CCDC7: variants seen among roughly 807,000 people sequenced by gnomAD.
CCDC7 encodes coiled-coil domain containing 7.
In CCDC7, 183 loss-of-function variants were observed where a neutral mutation model predicts 196.9. That is an observed-to-expected ratio of 0.93 (90% CI 0.82 to 1.05). CCDC7 has a LOEUF of 1.05. Ranked by LOEUF, CCDC7 falls within the 50% of genes least tolerant of loss-of-function variation. The pLI is 0.00. For missense variants in CCDC7, 1,540 were observed against 1,482.2 expected (o/e 1.04, Z -0.64); for synonymous variants, 525 against 484.6 (o/e 1.08, Z -1.10).
upstream of CCDC7, chr10:32,451,610 C>A (rs1475926721): frequency 1.8e-5 from 28 of 1,531,518 alleles, no homozygotes; most frequent in Non-Finnish European, 2.4e-5. Flanking sequence ...AAGTTTTTTT[C>A]ATCTGTAATT....
At chr10:32,725,413 C>A (rs1393122956) in intron 25 of CCDC7, 2 of 469,930 alleles carry the variant, frequency 4.3e-6, no homozygotes, top group Non-Finnish European at 8.8e-6. Context: ...TTATTAGTTA[C>A]ATGGATTAGT....
intron 9 of CCDC7, among the ~76,000 whole-genome samples, chr10:32,505,680 C>T (rs1333879111): frequency 1.3e-5 from 2 of 152,088 alleles, no homozygotes; most frequent in Non-Finnish European, 2.9e-5. Flanking sequence ...GGCCCGTTCT[C>T]GATGGTCGCT....
At chr10:32,481,510 A>G (rs1274377914) in intron 8 of CCDC7, among the ~76,000 whole-genome samples, 1 of 152,158 alleles carries the variant, frequency 6.6e-6, no homozygotes, top group Admixed American at 6.5e-5. Flanking sequence ...TATTGTAGCT[A>G]TAGGTATTTT....
chr10:32,732,943 C>A (rs988467767), intron 28 of CCDC7, among the ~76,000 whole-genome samples: 2 of 151,850 alleles, frequency 1.3e-5, no homozygotes, highest in Non-Finnish European at 2.9e-5. Context: ...TATTATAGTT[C>A]TTTTTTAAAT....
intron 8 of CCDC7, among the ~76,000 whole-genome samples, chr10:32,482,427 GA>G (rs199661455): frequency 0.027 from 4,151 of 151,856 alleles, 87 homozygotes; most frequent in Non-Finnish European, 0.045. Context: ...TCTCCTTGAT[GA>G]ATTATACAGT....
chr10:32,651,701 G>A (rs1196731531), intron 20 of CCDC7, among the ~76,000 whole-genome samples: 1 of 152,134 alleles, frequency 6.6e-6, no homozygotes, highest in Non-Finnish European at 1.5e-5. Flanking sequence ...AATGTCCCTG[G>A]TCGGAGGGGA....
At chr10:32,710,802 G>T (rs1326135353) in intron 24 of CCDC7, among the ~76,000 whole-genome samples, 1 of 152,186 alleles carries the variant, frequency 6.6e-6, no homozygotes, top group African/African-American at 2.4e-5. Flanking sequence ...ACAGTCATTT[G>T]TTACCAGGGG....
At chr10:32,696,936 C>T (rs934493502) in intron 24 of CCDC7, among the ~76,000 whole-genome samples, 3 of 152,006 alleles carry the variant, frequency 2.0e-5, no homozygotes, top group African/African-American at 7.3e-5. Flanking sequence ...CTTTTTGCAC[C>T]AGAGAAAGTG....
intron 11 of CCDC7, among the ~76,000 whole-genome samples, chr10:32,531,646 G>T (rs1308192581): frequency 6.6e-6 from 1 of 152,098 alleles, no homozygotes; most frequent in African/African-American, 2.4e-5. Flanking sequence ...ATCTTTAAAT[G>T]TTCAGTAAAA....
chr10:32,507,362 T>A (rs1039889007), intron 9 of CCDC7, among the ~76,000 whole-genome samples: 2 of 152,138 alleles, frequency 1.3e-5, no homozygotes, highest in Admixed American at 6.5e-5. Context: ...AAAAATCCAT[T>A]CAGCCACTTG....
chr10:32,799,470 G>A (rs1275214515), intron 29 of CCDC7, among the ~76,000 whole-genome samples: 5 of 152,098 alleles, frequency 3.3e-5, no homozygotes, highest in African/African-American at 4.8e-5. Flanking sequence ...CAGCCTTTTG[G>A]GTCCCTGGAT....
chr10:32,706,399 A>T (rs577738609), intron 24 of CCDC7, among the ~76,000 whole-genome samples: 1 of 152,260 alleles, frequency 6.6e-6, no homozygotes, highest in Admixed American at 6.5e-5. Context: ...CTAACATCAC[A>T]ATTAAAAGAA....
At chr10:32,475,937 A>G (rs1289619714) in intron 8 of CCDC7, among the ~76,000 whole-genome samples, 4 of 152,238 alleles carry the variant, frequency 2.6e-5, no homozygotes, top group African/African-American at 4.8e-5. Context: ...GAAAAATTGA[A>G]CAGAAATTAC....
intron 29 of CCDC7, among the ~76,000 whole-genome samples, chr10:32,797,023 C>T (rs2083684813): frequency 1.3e-5 from 2 of 151,988 alleles, no homozygotes; most frequent in South Asian, 4.1e-4. Context: ...AAGGTGACCT[C>T]AGAATTGTTC....
intron 18 of CCDC7, among the ~76,000 whole-genome samples, chr10:32,600,127 T>A (rs1411742759): frequency 6.6e-6 from 1 of 152,128 alleles, no homozygotes; most frequent in African/African-American, 2.4e-5. Flanking sequence ...GGTATTTTGA[T>A]AGGAATTGCA....
At chr10:32,660,215 G>A (rs1241172721) in intron 20 of CCDC7, among the ~76,000 whole-genome samples, 3 of 145,644 alleles carry the variant, frequency 2.1e-5, no homozygotes, top group Non-Finnish European at 3.0e-5. Flanking sequence ...ATGCTGGTGC[G>A]CTGCACCCAC....
chr10:32,575,001 A>G (rs940544766), intron 16 of CCDC7, among the ~76,000 whole-genome samples: 1 of 152,220 alleles, frequency 6.6e-6, no homozygotes, highest in African/African-American at 2.4e-5. Context: ...GAAAAATCAG[A>G]CAGATAAGAT....
intron 9 of CCDC7, among the ~76,000 whole-genome samples, chr10:32,492,879 A>G (rs2042354331): frequency 6.6e-6 from 1 of 152,142 alleles, no homozygotes; most frequent in Admixed American, 6.6e-5. Context: ...AGTTGCGATG[A>G]TACAAAATGT....
chr10:32,845,991 T>G (rs760453974), intron 36 of CCDC7, 32 bp downstream of exon 37: 2 of 1,470,182 alleles, frequency 1.4e-6, no homozygotes, highest in South Asian at 1.1e-5. Context: ...GTCTAATATT[T>G]AGGCTTATTT....
Sources: gnomAD v4.1 joint callset for allele counts (sites outside exome capture counted in the v4.1 genomes callset) on GRCh38, gnomAD v4.1.1 for gene constraint, MANE v1.5 for transcripts, NCBI Gene and HGNC (gene_info 2026-07-23, HGNC 2026-07-21) for gene names.